Variants in NUBPL observed in about 807,000 individuals in gnomAD.
NUBPL encodes iron-sulfur cluster transfer protein NUBPL.
In NUBPL, 31 loss-of-function variants were observed where a neutral mutation model predicts 45.7. The observed-to-expected ratio is 0.68, with a 90% CI of 0.51 to 0.92. NUBPL has a LOEUF of 0.92. Among genes scored for constraint, NUBPL ranks in the 40% least tolerant of loss-of-function variants. The pLI is 0.00. For synonymous variants in NUBPL, 144 were observed against 140.9 expected, an observed-to-expected ratio of 1.02 and a Z score of -0.15; for missense variants, 401 against 398.7, an observed-to-expected ratio of 1.01 and a Z score of -0.05.
intron 4 of NUBPL, among the ~76,000 whole-genome samples, chr14:31,664,267 C>T (rs994441578): frequency 1.3e-5 from 2 of 152,104 alleles, no homozygotes; most frequent in African/African-American, 4.8e-5. Flanking sequence ...ACTTCCAATA[C>T]TGTGTTGAGT....
chr14:31,814,350 T>G (rs1341693568), intron 7 of NUBPL, among the ~76,000 whole-genome samples: 1 of 152,224 alleles, frequency 6.6e-6, no homozygotes, highest in Non-Finnish European at 1.5e-5. Flanking sequence ...AAGTGTCTGT[T>G]CATATCTTTT....
intron 4 of NUBPL, among the ~76,000 whole-genome samples, chr14:31,642,152 GT>G (rs1212904602): frequency 3.3e-5 from 5 of 151,986 alleles, no homozygotes; most frequent in African/African-American, 1.2e-4. Context: ...CTTGTTGATT[GT>G]TTCCTTAGCT....
chr14:31,787,755 GAT>G (rs757620998), intron 6 of NUBPL, 23 bp from the exon 7 acceptor site: 8 of 1,437,218 alleles, frequency 5.6e-6, no homozygotes, highest in Non-Finnish European at 7.9e-6. Flanking sequence ...TTTATACAAT[GAT>G]ATAATCTATG....
intron 6 of NUBPL, among the ~76,000 whole-genome samples, chr14:31,731,432 TAGTG>T (rs2038046458): frequency 6.6e-6 from 1 of 152,246 alleles, no homozygotes; most frequent in Non-Finnish European, 1.5e-5. Flanking sequence ...CATCACTTCT[TAGTG>T]GGCACTGCTG....
chr14:31,739,242 A>C (rs561387557), intron 6 of NUBPL, among the ~76,000 whole-genome samples: 116 of 98,844 alleles, frequency 1.2e-3, no homozygotes, highest in South Asian at 2.4e-3. Flanking sequence ...ATTATATTCT[A>C]TATATATATA....
chr14:31,841,917 C>CTTTTGTTTTTTTTTTTTTTTTTTTTT lies in NUBPL; in HGVS notation c.694-4550_694-4549insGTTTTTTTTTTTTTTTTTTTTTTTTT. On this transcript the variant is annotated intron_variant, in intron 8 of 10. Coordinates refer to ENST00000281081, the MANE Select transcript of NUBPL (RefSeq NM_025152.3). The stretch of plus-strand genomic sequence containing the variant: ...CTTTCATGTATGGGTCGATTCTGGG[C>CTTTTGTTTTTTTTTTTTTTTTTTTTT]TTTTTTTTTTTTTTTTTTTTTTTTT... Among the ~76,000 whole-genome samples the CTTTTGTTTTTTTTTTTTTTTTTTTTT allele has an allele frequency of 3.0e-3, 127 of 43,050 alleles. 18 individuals carry two copies. Among genetic ancestry groups the CTTTTGTTTTTTTTTTTTTTTTTTTTT allele is most frequent in the Non-Finnish European group, 4.5e-3 (106 of 23,472 alleles). 28.2% of individuals were successfully genotyped at this position (43,050 alleles called of 152,430 possible).
chr14:31,814,462 A>T (rs915078230), intron 7 of NUBPL, among the ~76,000 whole-genome samples: 2 of 151,684 alleles, frequency 1.3e-5, no homozygotes, highest in Admixed American at 6.6e-5. Context: ...GATTGCAAAA[A>T]TTTTCTCCCA....
chr14:31,843,172 C>T (rs887913819), intron 8 of NUBPL, among the ~76,000 whole-genome samples: 1 of 152,178 alleles, frequency 6.6e-6, no homozygotes, highest in Non-Finnish European at 1.5e-5. Context: ...GTCATCAGGA[C>T]AGAGGGAAAA....
intron 7 of NUBPL, among the ~76,000 whole-genome samples, chr14:31,823,929 G>GA (rs1012780055): frequency 0.082 from 70 of 850 alleles, no homozygotes; most frequent in African/African-American, 0.093. Context: ...AAGAGGGGAA[G>GA]AGAGTGTTAA....
intron 6 of NUBPL, among the ~76,000 whole-genome samples, chr14:31,772,825 T>C (rs2039031882): frequency 6.6e-6 from 1 of 152,208 alleles, no homozygotes; most frequent in South Asian, 2.1e-4. Flanking sequence ...TTTGAACTCA[T>C]AGTGACTTTA....
chr14:31,604,049 C>T (rs2034516936), intron 4 of NUBPL, among the ~76,000 whole-genome samples: 1 of 151,932 alleles, frequency 6.6e-6, no homozygotes, highest in South Asian at 2.1e-4. Context: ...AACATAAACA[C>T]TCGAAGTGAA....
intron 6 of NUBPL, among the ~76,000 whole-genome samples, chr14:31,738,300 T>C (rs2038205830): frequency 6.6e-6 from 1 of 152,174 alleles, no homozygotes; most frequent in Non-Finnish European, 1.5e-5. Context: ...TTGCCAGTTA[T>C]ATGGGTTTTA....
At chr14:31,640,061 C>G (rs1432147201) in intron 4 of NUBPL, among the ~76,000 whole-genome samples, 1 of 152,158 alleles carries the variant, frequency 6.6e-6, no homozygotes, top group Non-Finnish European at 1.5e-5. Context: ...CCTCGCCCTG[C>G]TTCGGCTCCG....
chr14:31,858,036 A>G (rs1197955596), intron 10 of NUBPL, among the ~76,000 whole-genome samples: 2 of 152,180 alleles, frequency 1.3e-5, no homozygotes, highest in Admixed American at 6.6e-5. Context: ...TTACAAAAGA[A>G]AGAGGTTTAT....
At chr14:31,722,923 T>G (rs2378938) in intron 6 of NUBPL, among the ~76,000 whole-genome samples, 112,551 of 151,808 alleles carry the variant, frequency 0.74, 47,447 homozygotes, top group East Asian at 0.99. Flanking sequence ...TTTGTTTTTT[T>G]CTGTGCAGAA....
intron 6 of NUBPL, among the ~76,000 whole-genome samples, chr14:31,705,244 G>C (rs1304959370): frequency 6.6e-6 from 1 of 152,194 alleles, no homozygotes; most frequent in Admixed American, 6.5e-5. Context: ...AGACCTTCAT[G>C]GTGAGTGTTA....
Position 31,829,543 on chromosome 14 carries a change from A to G in NUBPL, c.693+2829A>G, listed in dbSNP as rs191390119. Among the ~76,000 whole-genome samples the G allele has an allele frequency of 3.1e-3, 474 of 152,316 alleles. 2 individuals carry two copies. Among genetic ancestry groups the G allele is most frequent in the African/African-American group, 0.011 (440 of 41,570 alleles). On this transcript the variant is annotated intron_variant, in intron 8 of 10. Transcript: ENST00000281081. Reference sequence around the variant, plus strand: ...GGCCTTAAGAGCCAGCCCCACAGCCAAAGTAATAGTAAAGGATTTGAAATT... The same window carrying G: ...GGCCTTAAGAGCCAGCCCCACAGCCGAAGTAATAGTAAAGGATTTGAAATT...
rs2038518475 is a variant in NUBPL, at chr14:31,751,161, G to A, written c.514-36619G>A. On this transcript the variant is annotated intron_variant, in intron 6 of 10. Transcript: ENST00000281081. ...AAGATGAGATTTGGATGGGGACACA[G>A]AGCTAAACCATATCATTTGGCCCCT... 1.3e-5 allele frequency among the ~76,000 whole-genome samples: 2 copies of A among 152,150 alleles called. 1 individual carries two copies. The highest frequency in any genetic ancestry group is 4.1e-4 in the South Asian group (2 of 4,828).
intron 7 of NUBPL, among the ~76,000 whole-genome samples, chr14:31,811,352 C>T (rs28849433): frequency 0.037 from 5,555 of 152,126 alleles, 134 homozygotes; most frequent in African/African-American, 0.076. Flanking sequence ...TCTCTTCTGG[C>T]TTCATTTCTT....
Sources: allele counts gnomAD v4.1 joint callset (sites outside exome capture counted in the v4.1 genomes callset), GRCh38; gene constraint gnomAD v4.1.1; transcripts MANE v1.5; gene names NCBI Gene and HGNC (gene_info 2026-07-23, HGNC 2026-07-21).